NICN1: variants seen among roughly 807,000 people sequenced by gnomAD.
The protein encoded by NICN1 is nicolin 1, tubulin polyglutamylase complex subunit.
A neutral mutation model predicts 26.3 loss-of-function variants in NICN1; 18 were observed. The ratio of observed to expected loss-of-function variants is 0.68; its 90% CI spans 0.47 to 1.01. NICN1 has a LOEUF of 1.01. Among genes scored for constraint, NICN1 ranks in the 50% least tolerant of loss-of-function variants. The probability of loss-of-function intolerance (pLI) is 0.00; values close to 1 mark genes in which losing one functional copy is unlikely to be tolerated. For missense variants in NICN1, 239 were observed against 278.3 expected (o/e 0.86, Z 1.00); for synonymous variants, 109 against 111.0 (o/e 0.98, Z 0.11).
intron 1 of NICN1, among the ~76,000 whole-genome samples, chr3:49,428,439 T>C (rs2049192180): frequency 6.6e-6 from 1 of 151,266 alleles, no homozygotes. Flanking sequence ...TGGGGAGGGG[T>C]GGCCGGGTGC....
chr3:49,426,526 T>TTTA, intron 1 of NICN1, 98 bp from the exon 2 acceptor site: 1 of 865,110 alleles, frequency 1.2e-6, no homozygotes, highest in East Asian at 2.6e-5. Context: ...CTCCCCACCT[T>TTTA]TTCTTTTTTT....
In NICN1 at chr3:49,424,793, T is replaced by C. The variant is rs754702527; in HGVS notation, c.*40A>G. ...TCTGGTGGCCCAAACCAAGTCTGGG[T>C]GGGCACAGAAAGGCCAACATCTTGG... On this transcript the variant is annotated 3_prime_UTR_variant, in exon 6 of 6. Coordinates refer to ENST00000273598, the MANE Select transcript of NICN1 (RefSeq NM_032316.3). 3 of 1,590,558 alleles carry C rather than the reference T, an allele frequency of 1.9e-6. No homozygotes were observed. The highest frequency in any genetic ancestry group is 1.7e-6 in the Non-Finnish European group (2 of 1,158,874).
chr3:49,428,593 T>C (rs2049193577), intron 1 of NICN1, among the ~76,000 whole-genome samples: 1 of 151,832 alleles, frequency 6.6e-6, no homozygotes, highest in Admixed American at 6.6e-5. Flanking sequence ...TGGTGGTGCA[T>C]GCCTGTAATC....
chr3:49,426,303 G>T lies in NICN1; in HGVS notation c.258C>A (p.Asp86Glu). ...CCTGGGCTCCCTCCTCACTGTGTGGGTCAGGCATTAGGCAGTAGTCCCGCA... is the reference window on the plus strand; with the variant it reads ...CCTGGGCTCCCTCCTCACTGTGTGGTTCAGGCATTAGGCAGTAGTCCCGCA... ...TCLRDYCLMP[D>E]PHSEEGAQEY... The change falls in exon 2 of 6, where the codon GAC becomes GAA. Residue 86 changes from aspartate (D) to glutamate (E), a missense_variant. Coordinates refer to ENST00000273598, the MANE Select transcript of NICN1 (RefSeq NM_032316.3). The T allele has an allele frequency of 6.2e-7, 1 of 1,614,240 alleles. No individual in the cohort carries two copies. The highest frequency in any genetic ancestry group is 8.5e-7 in the Non-Finnish European group (1 of 1,180,050).
In NICN1 at chr3:49,422,779, G is replaced by GCTGAAAGGT; in HGVS notation, c.*2045_*2053dup. 4.4e-6 allele frequency: 2 copies of GCTGAAAGGT among 456,838 alleles called. No individual in the cohort carries two copies. The highest frequency in any genetic ancestry group is 4.0e-5 in the South Asian group (2 of 49,568). 28.3% of individuals were successfully genotyped at this position (456,838 alleles called of 1,614,324 possible). ...CCAGAGGGTCAAAGTTCTGGAAAGG[G>GCTGAAAGGT]CTGAAAGGTCTGAATCATACCTTTA... On this transcript the variant is annotated 3_prime_UTR_variant, in exon 6 of 6. Transcript: ENST00000273598.
At chr3:49,425,778 GC>G in intron 3 of NICN1, 104 bp downstream of exon 3, 1 of 626,646 alleles carries the variant, frequency 1.6e-6, no homozygotes, top group Non-Finnish European at 2.8e-6. Context: ...CTCCATGAAG[GC>G]CCCATTCACA....
Position 49,425,412 on chromosome 3 carries a change from C to T in NICN1, c.450G>A (p.Trp150Ter). The change falls in exon 4 of 6, where the codon TGG becomes TGA. Residue 150 changes from tryptophan to a stop codon, truncating the protein, a stop_gained. Coordinates refer to ENST00000273598, the MANE Select transcript of NICN1 (RefSeq NM_032316.3). LOFTEE classifies it high-confidence loss of function. ...GCTCACAGGGCACTGGGTGGGAGAG[C>T]CACTTGGGAAAGGTCACGGAGGGGC... ...PKSPSVTFPK[W>*]LSHPVPCEQP... 1 of 1,612,950 alleles carries T rather than the reference C, an allele frequency of 6.2e-7. No homozygotes were observed. The highest frequency in any genetic ancestry group is 8.5e-7 in the Non-Finnish European group (1 of 1,179,694).
At position 49,429,250 on chromosome 3, in the gene NICN1, G is replaced by A. The variant is rs765648502; in HGVS notation, c.-11C>T. On this transcript the variant is annotated 5_prime_UTR_variant, in exon 1 of 6. Transcript: ENST00000273598. The stretch of plus-strand genomic sequence containing the variant: ...CAAAACGCGGGACATGGTGACAGCA[G>A]CCGCAACTAAGTGCAACCGCCGCTC... 3.8e-6 allele frequency: 6 copies of A among 1,590,782 alleles called. No homozygotes were observed. The highest frequency in any genetic ancestry group is 1.1e-5 in the South Asian group (1 of 89,092).
intron 1 of NICN1, among the ~76,000 whole-genome samples, chr3:49,427,360 G>A (rs1046791520): frequency 6.6e-6 from 1 of 151,632 alleles, no homozygotes; most frequent in African/African-American, 2.4e-5. Context: ...ACGTAGGCTG[G>A]GTGCAGTGGC....
At chr3:49,425,506 C>T in intron 3 of NICN1, 68 bp from the exon 4 acceptor site, 1 of 1,358,262 alleles carries the variant, frequency 7.4e-7, no homozygotes, top group Admixed American at 2.4e-5. Flanking sequence ...ATTCCAAGGT[C>T]CTAGGAGCAG....
chr3:49,422,604 G>A lies in NICN1; in HGVS notation c.*2229C>T, dbSNP rs911454395. Reference sequence around the variant, plus strand: ...AGCCCCAAGGGCAGGCTGGGATTTAGAGCAGAGAATGCAGGAACCCGCAAC... The same window carrying A: ...AGCCCCAAGGGCAGGCTGGGATTTAAAGCAGAGAATGCAGGAACCCGCAAC... On this transcript the variant is annotated 3_prime_UTR_variant, in exon 6 of 6. Coordinates refer to ENST00000273598, the MANE Select transcript of NICN1 (RefSeq NM_032316.3). 1.2e-6 allele frequency: 1 copy of A among 841,374 alleles called. No homozygotes were observed. The highest frequency in any genetic ancestry group is 2.0e-6 in the Non-Finnish European group (1 of 507,744). The allele number at this position is 841,374 out of a possible 1,614,324, so 52.1% of individuals were successfully genotyped here.
Position 49,429,172 on chromosome 3 carries a change from G to T in NICN1, c.68C>A (p.Thr23Asn). 1 of 1,611,410 alleles carries T rather than the reference G, an allele frequency of 6.2e-7. No homozygotes were observed. Among genetic ancestry groups the T allele is most frequent in the Non-Finnish European group, 8.5e-7 (1 of 1,178,912 alleles). ...SVALQVGDVR[T>N]SQGRPGVLVI... is the part of the protein sequence containing the mutation. ...CAGCACGCCAGGCCGGCCTTGGGAG[G>T]TCCGCACGTCGCCCACCTGGAGGGC... The change falls in exon 1 of 6, where the codon ACC becomes AAC. Residue 23 changes from threonine to asparagine, a missense_variant. Physicochemically the swap from Thr to Asn is moderately conservative, Grantham distance 65 (BLOSUM62 0). Transcript: ENST00000273598.
chr3:49,422,745 G>A lies in NICN1; in HGVS notation c.*2088C>T, dbSNP rs961983903. 5.6e-6 allele frequency: 3 copies of A among 532,458 alleles called. No homozygotes were observed. Among genetic ancestry groups the A allele is most frequent in the Non-Finnish European group, 3.4e-6 (1 of 291,778 alleles). 33.0% of individuals were successfully genotyped at this position (532,458 alleles called of 1,614,324 possible). A position where few individuals can be genotyped will look rare whatever the true frequency, so the allele number is the denominator to read the frequency against. The stretch of plus-strand genomic sequence containing the variant: ...GGGCTAGACCGCCCCCTGCAGAACC[G>A]CCCTGTCTCCAGAGGGTCAAAGTTC... On this transcript the variant is annotated 3_prime_UTR_variant, in exon 6 of 6. Transcript: ENST00000273598.
intron 1 of NICN1, among the ~76,000 whole-genome samples, chr3:49,427,412 G>A (rs886745480): frequency 1.4e-4 from 21 of 151,878 alleles, no homozygotes; most frequent in East Asian, 5.8e-4. Flanking sequence ...AGGCTGGGGC[G>A]GGTGGATCAT....
chr3:49,425,103 C>A, intron 4 of NICN1, 50 bp from the exon 5 acceptor site: 1 of 1,498,234 alleles, frequency 6.7e-7, no homozygotes, highest in Non-Finnish European at 9.3e-7. Context: ...CCAGCAGTGC[C>A]CTTCAGGCTC....
In NICN1 at chr3:49,424,643, C is replaced by T; in HGVS notation, c.*190G>A. 1.6e-6 allele frequency: 1 copy of T among 627,242 alleles called. No individual in the cohort carries two copies. The highest frequency in any genetic ancestry group is 2.9e-6 in the Non-Finnish European group (1 of 349,630). 38.9% of individuals were successfully genotyped at this position (627,242 alleles called of 1,614,324 possible). ...TGCAGCCAGGCGAAGACAGAGCACC[C>T]CCATGCCAGGAGCTCATGCTGAAGT... On this transcript the variant is annotated 3_prime_UTR_variant, in exon 6 of 6. Transcript: ENST00000273598.
In NICN1 at chr3:49,429,295, C is replaced by T; in HGVS notation, c.-56G>A. 7.9e-6 allele frequency: 12 copies of T among 1,522,828 alleles called. No individual in the cohort carries two copies. Among genetic ancestry groups the T allele is most frequent in the Non-Finnish European group, 9.7e-6 (11 of 1,130,426 alleles). 94.3% of individuals were successfully genotyped at this position (1,522,828 alleles called of 1,614,324 possible). On this transcript the variant is annotated 5_prime_UTR_variant, in exon 1 of 6. Transcript: ENST00000273598. ...CCGCTCTAGGCCCCCGACCACCAGC[C>T]CTTCCCGGCATCCTCAGCCGAGCCT...
intron 2 of NICN1, 91 bp from the exon 3 acceptor site, chr3:49,426,087 C>G: frequency 8.8e-7 from 1 of 1,130,998 alleles, no homozygotes. Context: ...GCCCACCCCA[C>G]AGGCCTTGGG....
intron 4 of NICN1, 68 bp from the exon 5 acceptor site, chr3:49,425,121 G>T: frequency 7.5e-7 from 1 of 1,325,246 alleles, no homozygotes; most frequent in Non-Finnish European, 1.1e-6. Context: ...CTCCAGAGAG[G>T]CCAACCTGGG....
Sources: gnomAD v4.1 joint callset for allele counts (sites outside exome capture counted in the v4.1 genomes callset) on GRCh38, gnomAD v4.1.1 for gene constraint, MANE v1.5 for transcripts, NCBI Gene and HGNC (gene_info 2026-07-23, HGNC 2026-07-21) for gene names.